FGFR1: variants seen among roughly 807,000 people sequenced by gnomAD.
FGFR1 encodes FGFR1/PLAG1 fusion.
A neutral mutation model predicts 93.7 loss-of-function variants in FGFR1; 18 were observed. The observed-to-expected ratio is 0.19, with a 90% CI of 0.13 to 0.28. FGFR1 has a LOEUF of 0.28. Ranked by LOEUF, FGFR1 falls within the 10% of genes least tolerant of loss-of-function variation. FGFR1 has a pLI of 1.00. For synonymous variants in FGFR1, 448 were observed against 429.3 expected (o/e 1.04, Z -0.54); for missense variants, 731 against 1,080.4 (o/e 0.68, Z 4.53).
chr8:38,452,100 A>T (rs1164675432), intron 2 of FGFR1, among the ~76,000 whole-genome samples: 1 of 151,890 alleles, frequency 6.6e-6, no homozygotes, highest in Non-Finnish European at 1.5e-5. Flanking sequence ...ACAGCCAGAA[A>T]CTCCAGGCCC....
chr8:38,445,472 G>T (rs1017826909), intron 2 of FGFR1, among the ~76,000 whole-genome samples: 1 of 152,156 alleles, frequency 6.6e-6, no homozygotes, highest in Non-Finnish European at 1.5e-5. Context: ...AGTGAAGAAG[G>T]GCTAAAATTA....
At position 38,430,006 on chromosome 8, in the gene FGFR1, G is replaced by A. The variant is rs1031092133; in HGVS notation, c.92-58C>T. ...AAGGGGCGAGAGAGGAAGACAGGGA[G>A]AGGGGAGGAGGGGAGAGACAAAGGG... is the stretch of plus-strand genomic sequence containing the variant. On this transcript the variant is annotated intron_variant, in intron 2 of 17. Transcript: ENST00000447712. 97 of 1,496,564 alleles carry A rather than the reference G, an allele frequency of 6.5e-5. No homozygotes were observed. The Admixed American group carries it at 1.9e-3, about 29-fold the overall frequency. 92.7% of individuals were successfully genotyped at this position (1,496,564 alleles called of 1,614,324 possible).
chr8:38,420,323 A>C (rs1818246768), intron 8 of FGFR1: 1 of 158,226 alleles, frequency 6.3e-6, no homozygotes, highest in Non-Finnish European at 1.4e-5. Flanking sequence ...TGCCTTGCTC[A>C]ATGTCCCACT....
At chr8:38,444,825 A>C (rs1221917518) in intron 2 of FGFR1, among the ~76,000 whole-genome samples, 1 of 152,142 alleles carries the variant, frequency 6.6e-6, no homozygotes, top group African/African-American at 2.4e-5. Flanking sequence ...TACTCTCAGC[A>C]AAGTCAGTAT....
At chr8:38,418,065 C>T in intron 10 of FGFR1, 74 bp from the exon 11 acceptor site, 1 of 1,611,634 alleles carries the variant, frequency 6.2e-7, no homozygotes, top group Non-Finnish European at 8.5e-7. Context: ...CCCATCTCCA[C>T]CTCTCTGTAT....
intron 2 of FGFR1, chr8:38,430,959 C>T (rs1311942357): frequency 6.6e-6 from 1 of 152,196 alleles, no homozygotes; most frequent in Non-Finnish European, 1.5e-5. Context: ...CTGAGCACAC[C>T]CCTCTGCACT....
At chr8:38,466,890 A>AC (rs1313311655) in intron 1 of FGFR1, among the ~76,000 whole-genome samples, 7 of 25,586 alleles carry the variant, frequency 2.7e-4, no homozygotes, top group African/African-American at 7.7e-4. Context: ...CAGGCTTCAC[A>AC]CCCCACCCCC....
Position 38,411,559 on chromosome 8 carries a change from C to G in FGFR1, c.*2069G>C, listed in dbSNP as rs1814426060. Reference sequence around the variant, plus strand: ...TGCAGCTGCCAAAAAATCCCTAGCTCAGAAATTTAAAGCAGCAATCCCATT... The same window carrying G: ...TGCAGCTGCCAAAAAATCCCTAGCTGAGAAATTTAAAGCAGCAATCCCATT... On this transcript the variant is annotated 3_prime_UTR_variant, in exon 18 of 18. Transcript: ENST00000447712. 4 of 228,232 alleles carry G rather than the reference C, an allele frequency of 1.8e-5. No individual in the cohort carries two copies. The East Asian group carries it at 2.5e-4, about 14-fold the overall frequency. 14.1% of individuals were successfully genotyped at this position (228,232 alleles called of 1,614,324 possible). A position where few individuals can be genotyped will look rare whatever the true frequency, so the allele number is the denominator to read the frequency against.
rs994731828 is a variant in FGFR1, at chr8:38,426,413, C to T, written c.622-168G>A. On this transcript the variant is annotated intron_variant, in intron 5 of 17. Transcript: ENST00000447712. The surrounding 1 kb of genome is among the most constrained non-coding windows in gnomAD (Gnocchi z 4.1). ...GGCGTGGATTGCCCCCCTACCAGCCCGTTCACACTCTGCAAGCTGGCAGAT... is the reference window on the plus strand; with the variant it reads ...GGCGTGGATTGCCCCCCTACCAGCCTGTTCACACTCTGCAAGCTGGCAGAT... Among the ~76,000 whole-genome samples, 5 of 152,162 alleles carry T rather than the reference C, an allele frequency of 3.3e-5. No individual in the cohort carries two copies. The highest frequency in any genetic ancestry group is 6.5e-5 in the Admixed American group (1 of 15,274).
At chr8:38,430,272 C>T (rs1448200714) in intron 2 of FGFR1, 1 of 332,570 alleles carries the variant, frequency 3.0e-6, no homozygotes, top group African/African-American at 2.1e-5. Context: ...AAGGTCGGCC[C>T]TCCCCAGGAC....
chr8:38,448,725 C>A (rs931154274), intron 2 of FGFR1, among the ~76,000 whole-genome samples: 2 of 152,070 alleles, frequency 1.3e-5, no homozygotes, highest in African/African-American at 4.8e-5. Context: ...GAGGCTGAGG[C>A]GGGTGGATCA....
intron 1 of FGFR1, chr8:38,466,451 C>T (rs1835523998): frequency 4.3e-6 from 1 of 231,700 alleles, no homozygotes; most frequent in Non-Finnish European, 8.5e-6. Flanking sequence ...ATGAACCGTT[C>T]GCGAGTGGCA....
In FGFR1 at chr8:38,459,849, G is replaced by A. The variant is rs1281938605; in HGVS notation, c.-88-2315C>T. 2.6e-5 allele frequency among the ~76,000 whole-genome samples: 4 copies of A among 152,214 alleles called. No homozygotes were observed. The East Asian group carries it at 5.8e-4, about 22-fold the overall frequency. ...ATAAGGGTAAATCCAAGGTAACTCTGGTAACAAAAGAGGCTTGATTTGCAG... is the reference window on the plus strand; with the variant it reads ...ATAAGGGTAAATCCAAGGTAACTCTAGTAACAAAAGAGGCTTGATTTGCAG... On this transcript the variant is annotated intron_variant, in intron 1 of 17. Transcript: ENST00000447712.
rs1421890106 is a variant in FGFR1 at position 38,428,425 on chromosome 8, G to C, written c.369C>G (p.Pro123=). ...YFSVNVSDAL[P]SSEDDDDDDD... is the part of the protein sequence containing the mutation. ...CATCATCATCATCATCCTCCGAGGAGGGGAGAGCATCTATGGGAAGAAGAA... is the reference window on the plus strand; with the variant it reads ...CATCATCATCATCATCCTCCGAGGACGGGAGAGCATCTATGGGAAGAAGAA... Residue 123 remains proline (P), a synonymous_variant, in exon 4 of 18, where the codon CCC becomes CCG. Transcript: ENST00000447712. 6.2e-7 allele frequency: 1 copy of C among 1,612,736 alleles called. No individual in the cohort carries two copies. Among genetic ancestry groups the C allele is most frequent in the Non-Finnish European group, 8.5e-7 (1 of 1,179,598 alleles).
chr8:38,411,382 G>A lies in FGFR1; in HGVS notation c.*2246C>T, dbSNP rs1348672515. The A allele has an allele frequency of 2.3e-5, 5 of 220,466 alleles. No individual in the cohort carries two copies. The highest frequency in any genetic ancestry group is 6.7e-5 in the East Asian group (1 of 15,006). The allele number at this position is 220,466 out of a possible 1,614,324, so 13.7% of individuals were successfully genotyped here. On this transcript the variant is annotated 3_prime_UTR_variant, in exon 18 of 18. Transcript: ENST00000447712. ...TTTACAAGGAAAGACACTCCTGTGCGGTCTCAAAGCAAATGCTTTTAAGAG... is the reference window on the plus strand; with the variant it reads ...TTTACAAGGAAAGACACTCCTGTGCAGTCTCAAAGCAAATGCTTTTAAGAG...
intron 8 of FGFR1, chr8:38,420,283 A>G: frequency 6.1e-6 from 1 of 164,104 alleles, no homozygotes; most frequent in South Asian, 1.6e-4. Context: ...TCACAGAATG[A>G]GGACAGAGGA....
chr8:38,451,751 G>C (rs1831149584), intron 2 of FGFR1, among the ~76,000 whole-genome samples: 2 of 152,040 alleles, frequency 1.3e-5, no homozygotes, highest in Admixed American at 1.3e-4. Context: ...CTGAGCACTG[G>C]GGTGTTTAAC....
chr8:38,423,816 A>G (rs1819705142), intron 7 of FGFR1: 1 of 162,538 alleles, frequency 6.2e-6, no homozygotes. Context: ...AAGAGAAGAG[A>G]AGGGAGGGCC....
intron 2 of FGFR1, chr8:38,430,202 A>G (rs1822458189): frequency 1.8e-6 from 1 of 554,370 alleles, no homozygotes; most frequent in African/African-American, 1.9e-5. Context: ...AGAAAGAGGC[A>G]AAGTTAGGAA....
Sources: allele counts gnomAD v4.1 joint callset (sites outside exome capture counted in the v4.1 genomes callset), GRCh38; gene constraint gnomAD v4.1.1; non-coding constraint Gnocchi (gnomAD v3.1); transcripts MANE v1.5; gene names NCBI Gene and HGNC (gene_info 2026-07-23, HGNC 2026-07-21).